TTC28: variants seen among roughly 807,000 people sequenced by gnomAD.
The protein encoded by TTC28 is tetratricopeptide repeat domain 28, also known as tetratricopeptide repeat protein 28.
In TTC28, 61 loss-of-function variants were observed where a neutral mutation model predicts 198.0. The ratio of observed to expected loss-of-function variants is 0.31; its 90% CI spans 0.25 to 0.38. The LOEUF (loss-of-function observed/expected upper bound fraction) is 0.38, where lower values mean the gene tolerates loss of function less well. Among genes scored for constraint, TTC28 ranks in the 10% least tolerant of loss-of-function variants. The pLI, the probability that TTC28 is intolerant of heterozygous loss-of-function variation, is 1.00. For synonymous variants in TTC28, 1,171 were observed against 1,297.8 expected, an observed-to-expected ratio of 0.90 and a Z score of 2.10; for missense variants, 2,678 against 3,164.0, an observed-to-expected ratio of 0.85 and a Z score of 3.69.
At chr22:28,212,529 G>A (rs1927076533) in intron 5 of TTC28, among the ~76,000 whole-genome samples, 1 of 131,024 alleles carries the variant, frequency 7.6e-6, no homozygotes, top group Non-Finnish European at 1.7e-5. Context: ...AAATCTAGAA[G>A]AAATGGATAA....
intron 2 of TTC28, among the ~76,000 whole-genome samples, chr22:28,530,179 G>A (rs956942560): frequency 6.6e-6 from 1 of 152,108 alleles, no homozygotes; most frequent in Non-Finnish European, 1.5e-5. Context: ...TTGGATGAAT[G>A]GCTAACTAGA....
intron 5 of TTC28, among the ~76,000 whole-genome samples, chr22:28,254,660 A>G (rs1194541042): frequency 6.6e-6 from 1 of 152,212 alleles, no homozygotes; most frequent in African/African-American, 2.4e-5. Context: ...ACTAAAACAC[A>G]TATTAATGTC....
chr22:28,131,152 C>T (rs185807496), intron 6 of TTC28, among the ~76,000 whole-genome samples: 11 of 152,196 alleles, frequency 7.2e-5, no homozygotes, highest in East Asian at 3.9e-4. Context: ...TCCAATAAGG[C>T]CTTTTTTATT....
intron 11 of TTC28, among the ~76,000 whole-genome samples, chr22:28,095,195 C>G (rs2146860298): frequency 6.6e-6 from 1 of 152,196 alleles, no homozygotes; most frequent in South Asian, 2.1e-4. Flanking sequence ...GTAAAAATCA[C>G]AATTTAAAAC....
At position 27,983,423 on chromosome 22, in the gene TTC28, G is replaced by C; in HGVS notation, c.6244C>G (p.His2082Asp). 1 of 1,550,994 alleles carries C rather than the reference G, an allele frequency of 6.4e-7. No homozygotes were observed. Among genetic ancestry groups the C allele is most frequent in the Non-Finnish European group, 8.7e-7 (1 of 1,146,932 alleles). The part of the protein sequence containing the change: ...ENRNTCFSPD[H>D]KQPQPGTAGG... Reference sequence around the variant, plus strand: ...GCTGTCCCAGGTTGGGGTTGTTTGTGGTCTGGTGAGAAGCATGTGTTTCGG... The same window carrying C: ...GCTGTCCCAGGTTGGGGTTGTTTGTCGTCTGGTGAGAAGCATGTGTTTCGG... Residue 2082 changes from histidine (H) to aspartate (D), a missense_variant, in exon 23 of 23, where the codon CAC becomes GAC. Physicochemically the swap from His to Asp is moderately conservative, Grantham distance 81. Coordinates refer to ENST00000397906, the MANE Select transcript of TTC28 (RefSeq NM_001145418.2).
chr22:28,016,882 G>T (rs989913881), intron 13 of TTC28, among the ~76,000 whole-genome samples: 1 of 152,226 alleles, frequency 6.6e-6, no homozygotes, highest in Admixed American at 6.5e-5. Context: ...AGGAGCACAA[G>T]ATGTCAGGTT....
intron 2 of TTC28, among the ~76,000 whole-genome samples, chr22:28,427,393 C>T (rs890200756): frequency 2.0e-5 from 3 of 152,216 alleles, no homozygotes; most frequent in Admixed American, 1.3e-4. Context: ...GTGGCTCACG[C>T]CTGTAATCCC....
intron 2 of TTC28, among the ~76,000 whole-genome samples, chr22:28,608,661 G>C (rs2146141540): frequency 6.6e-6 from 1 of 152,284 alleles, no homozygotes; most frequent in East Asian, 1.9e-4. Context: ...GGCTGTCCTT[G>C]AGGTTCTACA....
At chr22:28,648,334 C>CA (rs1211383120) in intron 1 of TTC28, among the ~76,000 whole-genome samples, 1 of 151,338 alleles carries the variant, frequency 6.6e-6, no homozygotes, top group South Asian at 2.1e-4. Context: ...ATTAAAAAAC[C>CA]AAAAAACAAT....
At chr22:28,593,618 T>A (rs1211215708) in intron 2 of TTC28, among the ~76,000 whole-genome samples, 1 of 152,164 alleles carries the variant, frequency 6.6e-6, no homozygotes, top group East Asian at 1.9e-4. Flanking sequence ...AATCTAGTAA[T>A]GGCAATTGCC....
intron 2 of TTC28, among the ~76,000 whole-genome samples, chr22:28,371,690 C>T (rs1278159348): frequency 7.4e-6 from 1 of 135,004 alleles, no homozygotes; most frequent in Non-Finnish European, 1.6e-5. Flanking sequence ...TCAAGCGATT[C>T]TCTGCCTCAG....
At chr22:28,391,315 G>A (rs2146067103) in intron 2 of TTC28, among the ~76,000 whole-genome samples, 1 of 152,172 alleles carries the variant, frequency 6.6e-6, no homozygotes, top group African/African-American at 2.4e-5. Context: ...TGACAATTAT[G>A]TGTCTTGGAG....
intron 2 of TTC28, among the ~76,000 whole-genome samples, chr22:28,614,311 A>G (rs992747307): frequency 2.6e-5 from 4 of 152,244 alleles, no homozygotes; most frequent in African/African-American, 4.8e-5. Context: ...AAATAAATGG[A>G]AAAACATTCC....
In TTC28 at chr22:28,270,843, G is replaced by A. The variant is rs528879035; in HGVS notation, c.933+25355C>T. On this transcript the variant is annotated intron_variant, in intron 5 of 22. Transcript: ENST00000397906. The stretch of plus-strand genomic sequence containing the variant: ...GGGCCCAGGAGTTTGAGACCAGCCT[G>A]GGCAACATAGCGAGACTCTTGCCTC... Among the ~76,000 whole-genome samples, 48 of 151,978 alleles carry A rather than the reference G, an allele frequency of 3.2e-4. 1 individual carries two copies. The highest frequency in any genetic ancestry group is 2.6e-4 in the Admixed American group (4 of 15,262).
At chr22:28,137,212 C>T (rs943510455) in intron 6 of TTC28, among the ~76,000 whole-genome samples, 1 of 152,158 alleles carries the variant, frequency 6.6e-6, no homozygotes, top group Non-Finnish European at 1.5e-5. Context: ...TCAGATCCCA[C>T]CTGCAGAGTT....
intron 6 of TTC28, among the ~76,000 whole-genome samples, chr22:28,113,425 A>G (rs1029246532): frequency 6.6e-6 from 1 of 152,142 alleles, no homozygotes; most frequent in Admixed American, 6.5e-5. Flanking sequence ...AGGCCCTCCC[A>G]TGGGTTCACT....
At chr22:28,458,848 T>A (rs1601423034) in intron 2 of TTC28, among the ~76,000 whole-genome samples, 1 of 148,814 alleles carries the variant, frequency 6.7e-6, no homozygotes, top group Admixed American at 6.8e-5. Context: ...GTCACTGCAC[T>A]CCAGCCTGGG....
chr22:28,604,993 T>G (rs1472227624), intron 2 of TTC28, among the ~76,000 whole-genome samples: 2 of 152,216 alleles, frequency 1.3e-5, no homozygotes, highest in Non-Finnish European at 2.9e-5. Flanking sequence ...ATGAAATTTA[T>G]TACTTAACAT....
intron 8 of TTC28, among the ~76,000 whole-genome samples, chr22:28,104,623 G>A (rs540687535): frequency 4.6e-5 from 7 of 152,224 alleles, no homozygotes; most frequent in African/African-American, 1.7e-4. Flanking sequence ...GAGGAAGGAA[G>A]CATCCAAGGT....
Sources: gnomAD v4.1 joint callset for allele counts (sites outside exome capture counted in the v4.1 genomes callset) on GRCh38, gnomAD v4.1.1 for gene constraint, MANE v1.5 for transcripts, NCBI Gene and HGNC (gene_info 2026-07-23, HGNC 2026-07-21) for gene names.